The following ASTN2 variants were observed in gnomAD, a reference collection of about 807,000 sequenced individuals.
ASTN2 encodes the protein astrotactin-2.
In ASTN2, 54 loss-of-function variants were observed where a neutral mutation model predicts 139.8. That is an observed-to-expected ratio of 0.39 (90% CI 0.31 to 0.48). The LOEUF is 0.48. Among genes scored for constraint, ASTN2 ranks in the 20% least tolerant of loss-of-function variants. The pLI, the probability that ASTN2 is intolerant of heterozygous loss-of-function variation, is 0.95. For missense variants in ASTN2, 1,565 were observed against 1,725.1 expected (o/e 0.91, Z 1.64); for synonymous variants, 756 against 719.5 (o/e 1.05, Z -0.81).
At chr9:117,176,360 C>A (rs146353381) in intron 3 of ASTN2, among the ~76,000 whole-genome samples, 1,863 of 152,032 alleles carry the variant, frequency 0.012, 67 homozygotes, top group Admixed American at 0.08. Context: ...GAAATATCAA[C>A]CTTTGTGTAG....
intron 2 of ASTN2, among the ~76,000 whole-genome samples, chr9:117,281,341 A>T (rs112296833): frequency 6.6e-6 from 1 of 152,172 alleles, no homozygotes; most frequent in Admixed American, 6.5e-5. Flanking sequence ...AAAGAATCAC[A>T]GTTTAAGTCC....
chr9:117,164,671 T>G (rs993773330), intron 3 of ASTN2, among the ~76,000 whole-genome samples: 1 of 152,010 alleles, frequency 6.6e-6, no homozygotes, highest in Non-Finnish European at 1.5e-5. Flanking sequence ...CAGCGAAGGT[T>G]CCTCAGGGCA....
intron 13 of ASTN2, among the ~76,000 whole-genome samples, chr9:116,758,864 G>A (rs1829600187): frequency 6.6e-6 from 1 of 152,096 alleles, no homozygotes; most frequent in Non-Finnish European, 1.5e-5. Context: ...ACAAACACAT[G>A]TTGGATAAAT....
intron 19 of ASTN2, among the ~76,000 whole-genome samples, chr9:116,564,351 T>C (rs879758043): frequency 2.0e-5 from 3 of 152,136 alleles, no homozygotes; most frequent in Non-Finnish European, 4.4e-5. Flanking sequence ...TGGCAACCCT[T>C]GGGGCTGGAG....
chr9:116,613,662 A>T (rs2131807613), intron 19 of ASTN2: 1 of 152,358 alleles, frequency 6.6e-6, no homozygotes, highest in African/African-American at 2.4e-5. Context: ...AAGGCCTTGG[A>T]CAAAATTCAA....
chr9:116,718,055 T>G (rs1414507911), intron 16 of ASTN2, among the ~76,000 whole-genome samples: 1 of 152,242 alleles, frequency 6.6e-6, no homozygotes, highest in African/African-American at 2.4e-5. Flanking sequence ...AGATGTAAAC[T>G]AATAAATGTG....
chr9:117,243,423 A>G (rs565912754), intron 2 of ASTN2, among the ~76,000 whole-genome samples: 1 of 152,346 alleles, frequency 6.6e-6, no homozygotes, highest in African/African-American at 2.4e-5. Flanking sequence ...TTCTCACTGC[A>G]AGTACAGAAT....
At chr9:117,202,635 A>G (rs965558522) in intron 3 of ASTN2, among the ~76,000 whole-genome samples, 10 of 151,988 alleles carry the variant, frequency 6.6e-5, no homozygotes, top group Non-Finnish European at 1.5e-4. Context: ...TGGGTTGAAA[A>G]TTCTTTAAGA....
At position 116,872,003 on chromosome 9, in the gene ASTN2, C is replaced by T. The variant is rs146866889; in HGVS notation, c.1890-8270G>A. Reference sequence around the variant, plus strand: ...TTTTTGAGACAGAGTCTCACTCTCTCACCCAGGCTGGAGTGCAGTGGCGCG... The same window carrying T: ...TTTTTGAGACAGAGTCTCACTCTCTTACCCAGGCTGGAGTGCAGTGGCGCG... On this transcript the variant is annotated intron_variant, in intron 10 of 22. Coordinates refer to ENST00000313400, the MANE Select transcript of ASTN2 (RefSeq NM_001365068.1). Among the ~76,000 whole-genome samples the T allele has an allele frequency of 2.9e-3, 445 of 152,016 alleles. 5 individuals are homozygous for T. Among genetic ancestry groups the T allele is most frequent in the African/African-American group, 8.3e-3 (344 of 41,456 alleles).
At chr9:116,525,575 G>T (rs1234657003) in intron 19 of ASTN2, among the ~76,000 whole-genome samples, 1 of 152,178 alleles carries the variant, frequency 6.6e-6, no homozygotes, top group East Asian at 1.9e-4. Context: ...CAAAAGCTAT[G>T]CATCTCATCT....
intron 10 of ASTN2, among the ~76,000 whole-genome samples, chr9:116,909,625 C>T (rs982805082): frequency 4.6e-5 from 7 of 152,166 alleles, no homozygotes; most frequent in African/African-American, 1.4e-4. Context: ...ATGAAATCAC[C>T]TGGGGAGTGA....
At chr9:117,022,462 AC>A (rs1164076424) in intron 6 of ASTN2, among the ~76,000 whole-genome samples, 81 of 148,314 alleles carry the variant, frequency 5.5e-4, no homozygotes, top group African/African-American at 1.8e-3. Flanking sequence ...AAACAAAAAA[AC>A]AAAAAACAAA....
chr9:116,815,246 A>G (rs1831277566), intron 12 of ASTN2, among the ~76,000 whole-genome samples: 1 of 152,180 alleles, frequency 6.6e-6, no homozygotes, highest in African/African-American at 2.4e-5. Flanking sequence ...TCCAGTTACT[A>G]TGCATATTAA....
intron 5 of ASTN2, among the ~76,000 whole-genome samples, chr9:117,072,874 C>T (rs147653833): frequency 1.2e-3 from 180 of 151,974 alleles, no homozygotes; most frequent in African/African-American, 4.1e-3. Flanking sequence ...GGTATCCAAA[C>T]ATAAAAGAAA....
chr9:116,558,665 A>C (rs754824723), intron 19 of ASTN2, among the ~76,000 whole-genome samples: 1 of 152,144 alleles, frequency 6.6e-6, no homozygotes, highest in Non-Finnish European at 1.5e-5. Flanking sequence ...TTGTCAAGCC[A>C]CGGGTTCTGA....
chr9:116,641,537 C>A (rs1422192426), intron 17 of ASTN2, among the ~76,000 whole-genome samples: 1 of 152,042 alleles, frequency 6.6e-6, no homozygotes, highest in East Asian at 1.9e-4. Flanking sequence ...GCTCCTGGCA[C>A]CATGGAAGTG....
At chr9:116,483,612 G>T (rs1849243153) in intron 20 of ASTN2, among the ~76,000 whole-genome samples, 1 of 152,114 alleles carries the variant, frequency 6.6e-6, no homozygotes, top group African/African-American at 2.4e-5. Context: ...GACAAAGACA[G>T]GAAGTCATAT....
At position 116,687,174 on chromosome 9, in the gene ASTN2, G is replaced by A. The variant is rs990668980; in HGVS notation, c.2807-35381C>T. 13 of 1,063,886 alleles carry A rather than the reference G, an allele frequency of 1.2e-5. No individual in the cohort carries two copies. The African/African-American group carries it at 2.1e-4, about 17-fold the overall frequency. 65.9% of individuals were successfully genotyped at this position (1,063,886 alleles called of 1,614,324 possible). A position where few individuals can be genotyped will look rare whatever the true frequency, so the allele number is the denominator to read the frequency against. ...TCGCTAAGGCCCCGGGTTCTCAGAG[G>A]AAAGCTCACCCCTGCAGGGCCGCCT... On this transcript the variant is annotated intron_variant, in intron 16 of 22. Transcript: ENST00000313400.
At chr9:117,408,827 A>G (rs1317413647) in intron 1 of ASTN2, among the ~76,000 whole-genome samples, 1 of 152,226 alleles carries the variant, frequency 6.6e-6, no homozygotes, top group Admixed American at 6.5e-5. Context: ...ATAACATAGT[A>G]CTTTCTGAAG....
Sources: gnomAD v4.1 joint callset for allele counts (sites outside exome capture counted in the v4.1 genomes callset) on GRCh38, gnomAD v4.1.1 for gene constraint, MANE v1.5 for transcripts, NCBI Gene and HGNC (gene_info 2026-07-23, HGNC 2026-07-21) for gene names.